The following STK3 variants were observed in gnomAD, a reference collection of about 807,000 sequenced individuals.
STK3 encodes the protein serine/threonine-protein kinase 3.
Under a neutral mutation model 58.0 loss-of-function variants are expected in STK3, and 41 were observed. That is an observed-to-expected ratio of 0.71 (90% CI 0.55 to 0.92). The LOEUF (loss-of-function observed/expected upper bound fraction) is 0.92, where lower values mean the gene tolerates loss of function less well. STK3 is among the 40% of genes least tolerant of loss of function. The probability of loss-of-function intolerance (pLI) is 0.00; values close to 1 mark genes in which losing one functional copy is unlikely to be tolerated. For synonymous variants in STK3, 170 were observed against 191.0 expected (o/e 0.89, Z 0.91); for missense variants, 479 against 602.7 (o/e 0.79, Z 2.15).
intron 4 of STK3, among the ~76,000 whole-genome samples, chr8:98,746,016 T>C (rs999048184): frequency 5.3e-5 from 8 of 152,164 alleles, no homozygotes; most frequent in Non-Finnish European, 7.3e-5. Flanking sequence ...CATCTAAACA[T>C]AGAAAAAGTA....
chr8:98,766,103 T>C (rs1464538635), intron 3 of STK3, among the ~76,000 whole-genome samples: 2 of 152,216 alleles, frequency 1.3e-5, no homozygotes, highest in Non-Finnish European at 2.9e-5. Flanking sequence ...TCGTCAGCAT[T>C]CCAGATTTCC....
intron 10 of STK3, among the ~76,000 whole-genome samples, chr8:98,475,227 C>T (rs1821218286): frequency 6.6e-6 from 1 of 152,088 alleles, no homozygotes. Flanking sequence ...CATCTTAATG[C>T]TGAGTAGGAG....
At chr8:98,667,255 T>C (rs960533679) in intron 6 of STK3, among the ~76,000 whole-genome samples, 2 of 152,160 alleles carry the variant, frequency 1.3e-5, no homozygotes, top group Admixed American at 6.5e-5. Flanking sequence ...TTTAAATATT[T>C]AGTCAGTAAA....
chr8:98,618,065 TA>T (rs1183924147), intron 6 of STK3, among the ~76,000 whole-genome samples: 1 of 151,564 alleles, frequency 6.6e-6, no homozygotes, highest in African/African-American at 2.4e-5. Context: ...AAATCCTCAA[TA>T]AAATACTGGC....
At position 98,428,294 on chromosome 8, in the gene STK3, C is replaced by A. The variant is rs746934095; in HGVS notation, n.483+5833G>T. ...GTGTCTTCTCCTTCAGCCAGGAGAT[C>A]GAGTACTGGGGCATCAACGAGTTCT... On this transcript the variant is annotated intron_variant and non_coding_transcript_variant, in intron 3 of 3. Transcript: ENST00000517832. This position sits in a 1 kb window ranked among gnomAD's most constrained non-coding sequence, Gnocchi z 6.7. 3.7e-6 allele frequency: 6 copies of A among 1,614,018 alleles called. No homozygotes were observed. In the South Asian group the frequency reaches 6.6e-5, roughly 18 times the overall value.
intron 3 of STK3, among the ~76,000 whole-genome samples, chr8:98,396,401 G>A (rs953125936): frequency 1.3e-5 from 2 of 152,190 alleles, no homozygotes; most frequent in African/African-American, 4.8e-5. Context: ...TGAGAGTGGA[G>A]GCTTTTCTTC....
chr8:98,821,488 A>C (rs1046781520), intron 1 of STK3, among the ~76,000 whole-genome samples: 12 of 151,108 alleles, frequency 7.9e-5, no homozygotes, highest in Admixed American at 7.3e-4. Context: ...GCAAGACCTC[A>C]TCTCTACAAA....
chr8:98,367,544 C>A (rs1817575795), downstream of STK3, among the ~76,000 whole-genome samples: 1 of 152,214 alleles, frequency 6.6e-6, no homozygotes, highest in Non-Finnish European at 1.5e-5. Context: ...TCTGGACTTG[C>A]ACAGCAAGCC....
intron 10 of STK3, among the ~76,000 whole-genome samples, chr8:98,482,642 G>C (rs946919359): frequency 1.3e-5 from 2 of 151,870 alleles, no homozygotes; most frequent in African/African-American, 4.8e-5. Context: ...ACCTCTGACT[G>C]CTTGGTGCCT....
chr8:98,749,999 C>T (rs932427799), intron 3 of STK3, among the ~76,000 whole-genome samples: 1 of 152,076 alleles, frequency 6.6e-6, no homozygotes, highest in Admixed American at 6.6e-5. Context: ...AAATGACCAT[C>T]AGCAATAATG....
chr8:98,865,542 A>C (rs1237861831), intron 3 of STK3, among the ~76,000 whole-genome samples: 1 of 152,056 alleles, frequency 6.6e-6, no homozygotes, highest in African/African-American at 2.4e-5. Context: ...AATCTTTAAA[A>C]ATATTTTTAG....
At chr8:98,906,028 C>T (rs183268950) in intron 1 of STK3, among the ~76,000 whole-genome samples, 184 of 152,268 alleles carry the variant, frequency 1.2e-3, no homozygotes, top group African/African-American at 3.8e-3. Flanking sequence ...GTGTGGGCTA[C>T]GGTCTGTTTA....
At chr8:98,833,467 T>A (rs1317885241) in intron 3 of STK3, among the ~76,000 whole-genome samples, 1 of 152,190 alleles carries the variant, frequency 6.6e-6, no homozygotes. Flanking sequence ...CAGGAAAAGA[T>A]ATGGAAAGGG....
intron 4 of STK3, among the ~76,000 whole-genome samples, chr8:98,712,842 C>G (rs1237862681): frequency 9.9e-5 from 15 of 152,130 alleles, no homozygotes; most frequent in Non-Finnish European, 1.9e-4. Context: ...TTCTTTTCAG[C>G]ACCACACCAC....
intron 6 of STK3, among the ~76,000 whole-genome samples, chr8:98,656,629 T>C (rs1020096043): frequency 4.4e-4 from 67 of 152,298 alleles, no homozygotes; most frequent in Middle Eastern, 3.4e-3. Flanking sequence ...TATTCTTTAA[T>C]TTATGCAGAA....
At chr8:98,767,848 G>A (rs1321414099) in intron 2 of STK3, among the ~76,000 whole-genome samples, 1 of 152,174 alleles carries the variant, frequency 6.6e-6, no homozygotes, top group East Asian at 1.9e-4. Context: ...AGTTAGAGAA[G>A]CAAGGAATCT....
At chr8:98,899,112 T>G (rs925237894) in intron 1 of STK3, among the ~76,000 whole-genome samples, 2 of 152,192 alleles carry the variant, frequency 1.3e-5, no homozygotes, top group African/African-American at 2.4e-5. Context: ...CACTATGTTT[T>G]CAACTATCAT....
chr8:98,866,993 G>A (rs1837169637), intron 3 of STK3, among the ~76,000 whole-genome samples: 1 of 152,168 alleles, frequency 6.6e-6, no homozygotes. Context: ...CTCTTGACAG[G>A]AGGGGAGGGA....
At chr8:98,687,100 C>T (rs553321090) in intron 6 of STK3, among the ~76,000 whole-genome samples, 1 of 152,260 alleles carries the variant, frequency 6.6e-6, no homozygotes, top group Non-Finnish European at 1.5e-5. Flanking sequence ...AGATACTACA[C>T]AAAATGACTA....
Sources: gnomAD v4.1 joint callset for allele counts (sites outside exome capture counted in the v4.1 genomes callset) on GRCh38, gnomAD v4.1.1 for gene constraint, Gnocchi (gnomAD v3.1) non-coding constraint, MANE v1.5 for transcripts, NCBI Gene and HGNC (gene_info 2026-07-23, HGNC 2026-07-21) for gene names.